Variants in NSRP1 observed in about 807,000 individuals in gnomAD.
The protein encoded by NSRP1 is coiled-coil domain containing 55.
NSRP1 carries 24 observed loss-of-function variants against 54.7 expected under a neutral mutation model. The ratio of observed to expected loss-of-function variants is 0.44; its 90% CI spans 0.32 to 0.62. The LOEUF (loss-of-function observed/expected upper bound fraction) is 0.62. Ranked by LOEUF, NSRP1 falls within the 20% of genes least tolerant of loss-of-function variation. NSRP1 has a pLI of 0.06. For synonymous variants in NSRP1, 210 were observed against 213.8 expected (o/e 0.98, Z 0.15); for missense variants, 596 against 651.2 (o/e 0.92, Z 0.92).
At chr17:30,121,394 AG>A (rs113719065) in intron 2 of NSRP1, among the ~76,000 whole-genome samples, 3,272 of 151,790 alleles carry the variant, frequency 0.022, 92 homozygotes, top group African/African-American at 0.071. Flanking sequence ...CACAGAAATA[AG>A]TAGGACCTGG....
chr17:30,169,865 T>A (rs1486739208), intron 2 of NSRP1, among the ~76,000 whole-genome samples: 1 of 151,850 alleles, frequency 6.6e-6, no homozygotes, highest in East Asian at 1.9e-4. Context: ...AAAGCACCAA[T>A]TGCTGGTACA....
intron 2 of NSRP1, among the ~76,000 whole-genome samples, chr17:30,140,152 AAC>A (rs1413164428): frequency 1.3e-5 from 2 of 152,242 alleles, no homozygotes; most frequent in African/African-American, 2.4e-5. Context: ...ATCATTTGTT[AAC>A]AGATTTGCAA....
rs28605972 is a variant in NSRP1 at position 30,137,543 on chromosome 17, C to T, written c.114+19370C>T. Among the ~76,000 whole-genome samples the T allele has an allele frequency of 4.1e-3, 631 of 152,292 alleles. 5 individuals carry two copies. Among genetic ancestry groups the T allele is most frequent in the African/African-American group, 0.014 (599 of 41,546 alleles). On this transcript the variant is annotated intron_variant, in intron 2 of 6. Coordinates refer to ENST00000247026, the MANE Select transcript of NSRP1 (RefSeq NM_032141.4). Reference sequence around the variant, plus strand: ...AATGAAGACAGTGAGGAGCCACAGCCGTCCACAATGGACATGTAGCATGAG... The same window carrying T: ...AATGAAGACAGTGAGGAGCCACAGCTGTCCACAATGGACATGTAGCATGAG...
chr17:30,170,577 C>T (rs1761049884), intron 2 of NSRP1, among the ~76,000 whole-genome samples: 1 of 152,060 alleles, frequency 6.6e-6, no homozygotes, highest in African/African-American at 2.4e-5. Context: ...AGCATAATGT[C>T]CTCCAGGCCC....
At chr17:30,138,633 T>G (rs569415359) in intron 2 of NSRP1, among the ~76,000 whole-genome samples, 1 of 152,086 alleles carries the variant, frequency 6.6e-6, no homozygotes, top group Non-Finnish European at 1.5e-5. Flanking sequence ...GTTGGTTGGA[T>G]CCACATAGAT....
At chr17:30,127,909 AT>A in intron 2 of NSRP1, 1 of 398,114 alleles carries the variant, frequency 2.5e-6, no homozygotes, top group Non-Finnish European at 4.4e-6. Context: ...GTCACAACTC[AT>A]GGCAGCCTCA....
chr17:30,152,162 G>C (rs1191409539), intron 2 of NSRP1, among the ~76,000 whole-genome samples: 1 of 147,472 alleles, frequency 6.8e-6, no homozygotes, highest in East Asian at 2.0e-4. Flanking sequence ...TGTCTCTGTT[G>C]CCCAGGCTGG....
chr17:30,158,478 TTATC>T (rs1399132913), intron 2 of NSRP1, among the ~76,000 whole-genome samples: 1 of 152,112 alleles, frequency 6.6e-6, no homozygotes, highest in Non-Finnish European at 1.5e-5. Context: ...ACAGTCCCAT[TTATC>T]TATCTTTGTT....
chr17:30,154,289 C>T (rs893984830), intron 2 of NSRP1: 2 of 151,668 alleles, frequency 1.3e-5, no homozygotes, highest in African/African-American at 4.9e-5. Flanking sequence ...CCACTGCATT[C>T]CAGCCTGGGC....
At chr17:30,173,789 A>G (rs922713622) in intron 3 of NSRP1, among the ~76,000 whole-genome samples, 2 of 152,236 alleles carry the variant, frequency 1.3e-5, no homozygotes, top group African/African-American at 4.8e-5. Flanking sequence ...AATAAATGGT[A>G]GGGCTGTGTT....
rs763705384 is a variant in NSRP1 at position 30,184,845 on chromosome 17, A to G, written c.848A>G (p.His283Arg). ...ACCCCTGAGAATGACTTCAAGCACC[A>G]CAGGAGTCAAAACCACTCTCGGTCA... The part of the protein sequence containing the change: ...IETPENDFKH[H>R]RSQNHSRSPS... The change falls in exon 7 of 7, where the codon CAC becomes CGC. Residue 283 changes from histidine (H) to arginine (R), a missense_variant. His to Arg is a conservative substitution (Grantham distance 29). Coordinates refer to ENST00000247026, the MANE Select transcript of NSRP1 (RefSeq NM_032141.4). The G allele has an allele frequency of 3.7e-6, 6 of 1,614,154 alleles. No homozygotes were observed. Among genetic ancestry groups the G allele is most frequent in the East Asian group, 4.5e-5 (2 of 44,874 alleles).
At chr17:30,175,279 A>G (rs778565834) in intron 3 of NSRP1, among the ~76,000 whole-genome samples, 16 of 151,942 alleles carry the variant, frequency 1.1e-4, no homozygotes, top group Non-Finnish European at 8.8e-5. Context: ...ACATTTTCTG[A>G]TTTGCATTAT....
intron 3 of NSRP1, among the ~76,000 whole-genome samples, chr17:30,173,253 C>T (rs759390107): frequency 5.9e-5 from 9 of 152,128 alleles, no homozygotes; most frequent in South Asian, 2.1e-4. Context: ...CGTGAGCCAC[C>T]GTGCGCGGCC....
intron 2 of NSRP1, among the ~76,000 whole-genome samples, chr17:30,137,938 T>C (rs1336365287): frequency 6.6e-6 from 1 of 152,226 alleles, no homozygotes; most frequent in Non-Finnish European, 1.5e-5. Context: ...TGTTCAACTA[T>C]TACCATGGTC....
chr17:30,185,524 G>C lies in NSRP1; in HGVS notation c.1527G>C (p.Lys509Asn). The C allele has an allele frequency of 6.2e-7, 1 of 1,614,126 alleles. No homozygotes were observed. Among genetic ancestry groups the C allele is most frequent in the Non-Finnish European group, 8.5e-7 (1 of 1,180,034 alleles). The change falls in exon 7 of 7, where the codon AAG (lysine) becomes AAC (asparagine). Residue 509 changes from lysine to asparagine, a missense_variant. Physicochemically the swap from Lys to Asn is moderately conservative, Grantham distance 94 (BLOSUM62 0). Transcript: ENST00000247026. ...KHRLTEEGQE[K>N]GKEQERPPEA... ...GACTCACAGAGGAAGGGCAAGAGAAGGGTAAAGAACAAGAGAGACCACCTG... is the reference window on the plus strand; with the variant it reads ...GACTCACAGAGGAAGGGCAAGAGAACGGTAAAGAACAAGAGAGACCACCTG...
chr17:30,178,792 A>G (rs1310927692), intron 4 of NSRP1, among the ~76,000 whole-genome samples: 2 of 152,152 alleles, frequency 1.3e-5, no homozygotes. Context: ...AAAAACTAGC[A>G]GGAACTTTTC....
At chr17:30,178,780 T>TG (rs1181718856) in intron 4 of NSRP1, among the ~76,000 whole-genome samples, 3 of 152,078 alleles carry the variant, frequency 2.0e-5, no homozygotes, top group Non-Finnish European at 4.4e-5. Context: ...CTACTAAATG[T>TG]GAAAAACTAG....
In NSRP1 at chr17:30,186,076, TAGGC is replaced by T. The variant is rs1905525683; in HGVS notation, c.*406_*409del. 6.5e-6 allele frequency: 1 copy of T among 153,746 alleles called. No homozygotes were observed. The highest frequency in any genetic ancestry group is 1.4e-5 in the Non-Finnish European group (1 of 69,242). The allele number at this position is 153,746 out of a possible 1,614,324, so 9.5% of individuals were successfully genotyped here. A position where few individuals can be genotyped will look rare whatever the true frequency, so the allele number is the denominator to read the frequency against. ...TGAGGCTAGGCATTCAAGACCAGCC[TAGGC>T]AGGATAATAAGACCTTGTCTCTATT... On this transcript the variant is annotated 3_prime_UTR_variant, in exon 7 of 7. Coordinates refer to ENST00000247026, the MANE Select transcript of NSRP1 (RefSeq NM_032141.4).
At chr17:30,141,007 G>A (rs2071800199) in intron 2 of NSRP1, among the ~76,000 whole-genome samples, 1 of 152,122 alleles carries the variant, frequency 6.6e-6, no homozygotes, top group Non-Finnish European at 1.5e-5. Flanking sequence ...GTTTTGTAGA[G>A]ATGAGGTCTT....
Sources: gnomAD v4.1 joint callset for allele counts (sites outside exome capture counted in the v4.1 genomes callset) on GRCh38, gnomAD v4.1.1 for gene constraint, MANE v1.5 for transcripts, NCBI Gene and HGNC (gene_info 2026-07-23, HGNC 2026-07-21) for gene names.